WDR7: variants seen among roughly 807,000 people sequenced by gnomAD.
WDR7 encodes the protein WD repeat-containing protein 7.
Under a neutral mutation model 169.4 loss-of-function variants are expected in WDR7, and 46 were observed. The observed-to-expected ratio is 0.27, with a 90% CI of 0.21 to 0.35. WDR7 has a LOEUF of 0.35. Among genes scored for constraint, WDR7 ranks in the 10% least tolerant of loss-of-function variants. The pLI is 1.00. For missense variants in WDR7, 1,534 were observed against 1,859.3 expected (o/e 0.83, Z 3.22); for synonymous variants, 612 against 666.8 (o/e 0.92, Z 1.27).
chr18:56,980,670 A>G (rs2047630625), intron 26 of WDR7, among the ~76,000 whole-genome samples: 1 of 152,280 alleles, frequency 6.6e-6, no homozygotes, highest in Admixed American at 6.5e-5. Flanking sequence ...GATGATGTCC[A>G]ACCTTTGTAA....
intron 12 of WDR7, among the ~76,000 whole-genome samples, chr18:56,707,048 C>G (rs1206823457): frequency 1.3e-5 from 2 of 151,358 alleles, no homozygotes; most frequent in African/African-American, 4.9e-5. Flanking sequence ...GTGGTGTGAT[C>G]TCAGTTCACT....
chr18:56,952,325 T>C (rs909733569), intron 25 of WDR7, among the ~76,000 whole-genome samples: 1 of 152,228 alleles, frequency 6.6e-6, no homozygotes, highest in African/African-American at 2.4e-5. Flanking sequence ...CTCTTGTGCC[T>C]GCTAACCTTG....
At chr18:56,684,154 A>G (rs550712131) in intron 5 of WDR7, among the ~76,000 whole-genome samples, 7 of 152,272 alleles carry the variant, frequency 4.6e-5, no homozygotes, top group African/African-American at 1.4e-4. Context: ...CTGTAGGTAC[A>G]AAAGCATTAA....
At chr18:56,835,970 C>G (rs1387428880) in intron 20 of WDR7, among the ~76,000 whole-genome samples, 2 of 152,100 alleles carry the variant, frequency 1.3e-5, no homozygotes, top group African/African-American at 4.8e-5. Context: ...GTACTTTATA[C>G]TTTTCTAAGA....
intron 11 of WDR7, 117 bp downstream of exon 11, chr18:56,695,315 G>A: frequency 7.5e-7 from 1 of 1,337,448 alleles, no homozygotes; most frequent in Non-Finnish European, 1.0e-6. Flanking sequence ...TTAGTTGTTG[G>A]GGTGCTATGT....
intron 26 of WDR7, among the ~76,000 whole-genome samples, chr18:56,999,286 T>TG (rs1197046813): frequency 6.6e-6 from 1 of 152,182 alleles, no homozygotes; most frequent in Non-Finnish European, 1.5e-5. Flanking sequence ...ATTTAGGGTT[T>TG]GGGGGAATGT....
chr18:56,665,371 G>A (rs1380163883), intron 1 of WDR7, among the ~76,000 whole-genome samples: 1 of 113,744 alleles, frequency 8.8e-6, no homozygotes, highest in East Asian at 2.6e-4. Flanking sequence ...TATTATAATG[G>A]AAAACACAAT....
intron 21 of WDR7, among the ~76,000 whole-genome samples, chr18:56,909,582 G>A (rs1483427325): frequency 6.6e-6 from 1 of 151,962 alleles, no homozygotes; most frequent in Non-Finnish European, 1.5e-5. Context: ...CAATTTTGAA[G>A]TATTTGGACA....
chr18:56,786,036 C>G (rs1384850816), intron 19 of WDR7, among the ~76,000 whole-genome samples: 1 of 152,114 alleles, frequency 6.6e-6, no homozygotes, highest in Non-Finnish European at 1.5e-5. Flanking sequence ...AATACAAGTA[C>G]AGAACGTTGG....
In WDR7 at chr18:57,029,607, T is replaced by G. The variant is rs1230118361; in HGVS notation, c.*2400T>G. ...AGACATATGTGGCTTCATTGGTAAT[T>G]TACAAGCAAAAGATGACATGACGTG... On this transcript the variant is annotated 3_prime_UTR_variant, in exon 28 of 28. Transcript: ENST00000254442. The G allele has an allele frequency of 6.6e-6, 1 of 151,938 alleles. No homozygotes were observed. Among genetic ancestry groups the G allele is most frequent in the Non-Finnish European group, 1.5e-5 (1 of 68,014 alleles). 9.4% of individuals were successfully genotyped at this position (151,938 alleles called of 1,614,324 possible). A position where few individuals can be genotyped will look rare whatever the true frequency, so the allele number is the denominator to read the frequency against.
At chr18:57,025,965 A>G (rs1377071213) in intron 27 of WDR7, among the ~76,000 whole-genome samples, 1 of 152,262 alleles carries the variant, frequency 6.6e-6, no homozygotes, top group Non-Finnish European at 1.5e-5. Context: ...GATGGAGGTT[A>G]TACTGGAGAG....
intron 26 of WDR7, among the ~76,000 whole-genome samples, chr18:56,974,313 C>CCCTTTTCCTTTCCTTTTCCTTTT: frequency 6.6e-6 from 1 of 151,688 alleles, no homozygotes; most frequent in Admixed American, 6.6e-5. Context: ...CTTGTCCTTT[C>CCCTTTTCCTTTCCTTTTCCTTTT]CCTTTTCCTT....
chr18:56,712,598 C>T (rs1404033566), intron 12 of WDR7, among the ~76,000 whole-genome samples: 1 of 152,076 alleles, frequency 6.6e-6, no homozygotes, highest in Non-Finnish European at 1.5e-5. Context: ...CATTTGATGT[C>T]ATTGGTGCAT....
chr18:56,928,822 T>C (rs1222838742), intron 22 of WDR7, among the ~76,000 whole-genome samples: 2 of 152,134 alleles, frequency 1.3e-5, no homozygotes, highest in Non-Finnish European at 2.9e-5. Flanking sequence ...ACATTGTAGT[T>C]ACTGAAAAAA....
At chr18:56,691,667 A>G in intron 8 of WDR7, 48 bp from the exon 9 acceptor site, 1 of 1,505,026 alleles carries the variant, frequency 6.6e-7, no homozygotes, top group Non-Finnish European at 9.1e-7. Flanking sequence ...ATTATAAAGT[A>G]TTTAATGTCA....
chr18:56,835,894 C>G (rs1351574040), intron 20 of WDR7, among the ~76,000 whole-genome samples: 1 of 152,050 alleles, frequency 6.6e-6, no homozygotes, highest in East Asian at 1.9e-4. Flanking sequence ...TGTGATTCTT[C>G]TTGATATTTA....
At chr18:56,709,594 T>C (rs1365289911) in intron 12 of WDR7, among the ~76,000 whole-genome samples, 1 of 152,202 alleles carries the variant, frequency 6.6e-6, no homozygotes, top group East Asian at 1.9e-4. Flanking sequence ...GTTAAATGAC[T>C]CATCCAAGTC....
chr18:56,914,653 T>C (rs553496451), intron 21 of WDR7, among the ~76,000 whole-genome samples: 47 of 152,318 alleles, frequency 3.1e-4, no homozygotes, highest in South Asian at 6.2e-4. Flanking sequence ...TAATGGATTT[T>C]TTTTAACACC....
intron 14 of WDR7, among the ~76,000 whole-genome samples, chr18:56,740,657 T>C (rs762383425): frequency 2.6e-4 from 40 of 152,184 alleles, no homozygotes; most frequent in Non-Finnish European, 5.6e-4. Flanking sequence ...TCTACTTCTC[T>C]AGTCCTTCCA....
Sources: gnomAD v4.1 joint callset for allele counts (sites outside exome capture counted in the v4.1 genomes callset) on GRCh38, gnomAD v4.1.1 for gene constraint, MANE v1.5 for transcripts, NCBI Gene and HGNC (gene_info 2026-07-23, HGNC 2026-07-21) for gene names.